SHANK2: variants seen among roughly 807,000 people sequenced by gnomAD.
The protein encoded by SHANK2 is SH3 and multiple ankyrin repeat domains 2.
In SHANK2, 43 loss-of-function variants were observed where a neutral mutation model predicts 133.7. The observed-to-expected ratio is 0.32, with a 90% CI of 0.25 to 0.41. SHANK2 has a LOEUF of 0.41. Among genes scored for constraint, SHANK2 ranks in the 10% least tolerant of loss-of-function variants. The pLI, the probability that SHANK2 is intolerant of heterozygous loss-of-function variation, is 1.00. For missense variants in SHANK2, 1,994 were observed against 2,235.8 expected, an observed-to-expected ratio of 0.89 and a Z score of 2.18; for synonymous variants, 1,017 against 952.8, an observed-to-expected ratio of 1.07 and a Z score of -1.24.
chr11:70,562,629 T>G (rs969233674), intron 17 of SHANK2, among the ~76,000 whole-genome samples: 2 of 152,220 alleles, frequency 1.3e-5, no homozygotes, highest in African/African-American at 4.8e-5. Context: ...CCTTTCCACC[T>G]TCTTACTTTT....
chr11:70,643,171 C>T (rs912336023), intron 17 of SHANK2, among the ~76,000 whole-genome samples: 1 of 152,226 alleles, frequency 6.6e-6, no homozygotes, highest in Non-Finnish European at 1.5e-5. Context: ...GAAGGATTAT[C>T]ACATTGGTGT....
intron 15 of SHANK2, among the ~76,000 whole-genome samples, chr11:70,684,170 G>A (rs970765892): frequency 1.3e-5 from 2 of 152,016 alleles, no homozygotes; most frequent in Middle Eastern, 3.2e-3. Context: ...TCATATCCAC[G>A]GCCCCTCTCC....
intron 15 of SHANK2, among the ~76,000 whole-genome samples, chr11:70,662,998 C>A (rs1225257392): frequency 2.0e-5 from 3 of 151,992 alleles, no homozygotes; most frequent in African/African-American, 4.8e-5. Flanking sequence ...TGGAGGGGAG[C>A]GGGGAAGGGA....
At chr11:70,808,552 C>T (rs1948211607) in intron 12 of SHANK2, among the ~76,000 whole-genome samples, 1 of 93,128 alleles carries the variant, frequency 1.1e-5, no homozygotes, top group East Asian at 3.0e-4. Context: ...TGATGAAACC[C>T]TATTTCTACA....
At chr11:71,240,404 C>T (rs1156671289) in intron 1 of SHANK2, among the ~76,000 whole-genome samples, 3 of 152,154 alleles carry the variant, frequency 2.0e-5, no homozygotes, top group Non-Finnish European at 4.4e-5. Context: ...CTCTCCTGTT[C>T]CTCCAAACAG....
At chr11:70,506,929 G>T (rs2059144666) in intron 17 of SHANK2, among the ~76,000 whole-genome samples, 1 of 152,214 alleles carries the variant, frequency 6.6e-6, no homozygotes, top group Non-Finnish European at 1.5e-5. Context: ...CACATCCTAG[G>T]ATGTTCCCTT....
At chr11:70,709,423 T>C (rs1555025667) in intron 14 of SHANK2, among the ~76,000 whole-genome samples, 1 of 152,124 alleles carries the variant, frequency 6.6e-6, no homozygotes. Flanking sequence ...AGTCTCCTGC[T>C]GGGAATAGGG....
Position 70,472,817 on chromosome 11 carries a change from G to A in SHANK2, c.*52C>T. 1.3e-6 allele frequency: 2 copies of A among 1,543,276 alleles called. No individual in the cohort carries two copies. The highest frequency in any genetic ancestry group is 2.2e-5 in the East Asian group (1 of 44,510). On this transcript the variant is annotated 3_prime_UTR_variant, in exon 26 of 26. Coordinates refer to ENST00000601538, the MANE Select transcript of SHANK2 (RefSeq NM_012309.5). This position sits in a 1 kb window ranked among gnomAD's most constrained non-coding sequence, Gnocchi z 4.4. The stretch of plus-strand genomic sequence containing the variant: ...TTGGCATTCAGATGTTTCAGCACGA[G>A]CCCATCTCTACTTATAACAAGAGCA...
At chr11:70,547,916 C>G (rs1445099649) in intron 17 of SHANK2, among the ~76,000 whole-genome samples, 2 of 152,256 alleles carry the variant, frequency 1.3e-5, no homozygotes, top group East Asian at 3.8e-4. Flanking sequence ...TGAAGATAAG[C>G]TTGTTATCAG....
chr11:70,885,054 G>T (rs1253467833), intron 11 of SHANK2, among the ~76,000 whole-genome samples: 1 of 152,182 alleles, frequency 6.6e-6, no homozygotes, highest in East Asian at 1.9e-4. Flanking sequence ...TGTATGTCAG[G>T]GTATGTTATC....
intron 22 of SHANK2, among the ~76,000 whole-genome samples, chr11:70,491,990 C>A (rs1293460360): frequency 2.6e-5 from 4 of 152,222 alleles, no homozygotes; most frequent in Non-Finnish European, 4.4e-5. Context: ...CATTTCTGTG[C>A]TCTGGGTGGA....
At chr11:70,712,659 G>A (rs1945815079) in intron 14 of SHANK2, among the ~76,000 whole-genome samples, 2 of 152,224 alleles carry the variant, frequency 1.3e-5, no homozygotes, top group South Asian at 4.1e-4. Context: ...CCAGTTCCTG[G>A]AGACTCCTCC....
At chr11:70,635,600 T>A (rs1186949046) in intron 17 of SHANK2, 4 of 151,826 alleles carry the variant, frequency 2.6e-5, no homozygotes, top group Admixed American at 2.6e-4. Flanking sequence ...GAGTTTCAGT[T>A]TGGGAAGATG....
chr11:70,771,201 AC>A (rs1947242552), intron 14 of SHANK2, among the ~76,000 whole-genome samples: 1 of 152,194 alleles, frequency 6.6e-6, no homozygotes, highest in Non-Finnish European at 1.5e-5. Flanking sequence ...TGCTGGGATT[AC>A]AGGCATGACC....
At chr11:70,853,350 G>T (rs1555066184) in intron 11 of SHANK2, among the ~76,000 whole-genome samples, 1 of 152,216 alleles carries the variant, frequency 6.6e-6, no homozygotes. Context: ...GCGGGAGAGG[G>T]TGTGAGTCAC....
chr11:70,752,830 C>T (rs1190414344), intron 14 of SHANK2, among the ~76,000 whole-genome samples: 4 of 151,948 alleles, frequency 2.6e-5, no homozygotes, highest in Admixed American at 2.0e-4. Context: ...ATACATGAAG[C>T]AGGCCAGGTG....
At chr11:70,805,498 C>T (rs1948138699) in intron 13 of SHANK2, among the ~76,000 whole-genome samples, 2 of 152,344 alleles carry the variant, frequency 1.3e-5, no homozygotes, top group East Asian at 1.9e-4. Flanking sequence ...TCCCCCACTG[C>T]GGGGCCTTAA....
intron 11 of SHANK2, among the ~76,000 whole-genome samples, chr11:70,825,762 C>T (rs925486882): frequency 1.5e-4 from 21 of 136,618 alleles, no homozygotes; most frequent in Middle Eastern, 3.8e-3. Context: ...CTGGAACCAT[C>T]CATGGAAATG....
chr11:70,894,931 G>A (rs684636), intron 11 of SHANK2, among the ~76,000 whole-genome samples: 134,488 of 152,254 alleles, frequency 0.88, 60,952 homozygotes, highest in Non-Finnish European at 0.98. Flanking sequence ...TCATATTAGG[G>A]AGGCAGCAGG....
Sources: gnomAD v4.1 joint callset for allele counts (sites outside exome capture counted in the v4.1 genomes callset) on GRCh38, gnomAD v4.1.1 for gene constraint, Gnocchi (gnomAD v3.1) non-coding constraint, MANE v1.5 for transcripts, NCBI Gene and HGNC (gene_info 2026-07-23, HGNC 2026-07-21) for gene names.